Variants in VEZT observed in about 807,000 individuals in gnomAD.
VEZT encodes vezatin.
VEZT carries 39 observed loss-of-function variants against 79.9 expected under a neutral mutation model. That is an observed-to-expected ratio of 0.49 (90% CI 0.38 to 0.64). The LOEUF is 0.64. Among genes scored for constraint, VEZT ranks in the 30% least tolerant of loss-of-function variants. The pLI is 0.00. For synonymous variants in VEZT, 325 were observed against 327.6 expected (o/e 0.99, Z 0.09); for missense variants, 837 against 893.1 (o/e 0.94, Z 0.80).
intron 7 of VEZT, among the ~76,000 whole-genome samples, chr12:95,278,866 T>C (rs11107959): frequency 0.48 from 73,616 of 152,060 alleles, 18,158 homozygotes; most frequent in African/African-American, 0.57. Context: ...GTTGGGAGTT[T>C]GCAACCAGCC....
chr12:95,290,880 T>G (rs893580057), intron 9 of VEZT: 1 of 152,002 alleles, frequency 6.6e-6, no homozygotes. Context: ...TGTGGTAAGC[T>G]CAGGAAATCA....
At chr12:95,236,590 T>C (rs1049631111) in intron 1 of VEZT, among the ~76,000 whole-genome samples, 3 of 151,788 alleles carry the variant, frequency 2.0e-5, no homozygotes, top group South Asian at 2.1e-4. Context: ...TTTTTTTTTT[T>C]CTGAGAGGGA....
At chr12:95,300,080 A>G (rs2074993690) in intron 11 of VEZT, 85 bp from the exon 12 acceptor site, 2 of 740,664 alleles carry the variant, frequency 2.7e-6, no homozygotes, top group South Asian at 1.1e-4. Flanking sequence ...TTTTTAAGAA[A>G]AAAACTGAGA....
intron 3 of VEZT, among the ~76,000 whole-genome samples, chr12:95,260,579 A>G (rs889714870): frequency 2.0e-5 from 3 of 152,216 alleles, no homozygotes; most frequent in African/African-American, 7.2e-5. Flanking sequence ...GAGCACTGCC[A>G]TTGAATATTA....
intron 3 of VEZT, among the ~76,000 whole-genome samples, chr12:95,261,880 G>T (rs1162337831): frequency 2.6e-5 from 4 of 152,196 alleles, no homozygotes; most frequent in Non-Finnish European, 4.4e-5. Context: ...AGAGGAGGAT[G>T]ATAAGGTACA....
Position 95,282,569 on chromosome 12 carries a change from A to G in VEZT, c.1253A>G (p.Gln418Arg). 6.2e-7 allele frequency: 1 copy of G among 1,614,052 alleles called. No homozygotes were observed. Among genetic ancestry groups the G allele is most frequent in the Non-Finnish European group, 8.5e-7 (1 of 1,179,894 alleles). Residue 418 changes from glutamine (Q) to arginine (R), a missense_variant, in exon 8 of 12, where the codon CAG becomes CGG. Physicochemically the swap from Gln to Arg is conservative, Grantham distance 43 (BLOSUM62 1). Coordinates refer to ENST00000436874, the MANE Select transcript of VEZT (RefSeq NM_017599.4). ...SVPQCLSKTQ[Q>R]KSRELNNVHT... is the part of the protein sequence containing the mutation. ...CCGCAGTGTTTATCCAAAACTCAAC[A>G]GAAGTCAAGAGAACTGAATAATGTT...
Position 95,284,864 on chromosome 12 carries a change from T to A in VEZT, c.1328+2220T>A, listed in dbSNP as rs140018579. On this transcript the variant is annotated intron_variant, in intron 8 of 11. Transcript: ENST00000436874. Reference sequence around the variant, plus strand: ...AATATTCCACTTTAAAGGCTGAGGATCACGAGGTCAGGAGATCGAGACCAT... The same window carrying A: ...AATATTCCACTTTAAAGGCTGAGGAACACGAGGTCAGGAGATCGAGACCAT... Among the ~76,000 whole-genome samples, 26 of 152,014 alleles carry A rather than the reference T, an allele frequency of 1.7e-4. No individual in the cohort carries two copies. The East Asian group carries it at 5.0e-3, about 29-fold the overall frequency.
At chr12:95,233,723 A>G (rs1389755335) in intron 1 of VEZT, among the ~76,000 whole-genome samples, 2 of 152,154 alleles carry the variant, frequency 1.3e-5, no homozygotes, top group Non-Finnish European at 2.9e-5. Flanking sequence ...ATTTTCTTTC[A>G]GATTATTCTC....
intron 9 of VEZT, among the ~76,000 whole-genome samples, chr12:95,289,359 G>A (rs2072014320): frequency 1.4e-5 from 2 of 138,088 alleles, no homozygotes; most frequent in Admixed American, 7.6e-5. Context: ...GGAGCTTGCA[G>A]TGAGCTGAGA....
chr12:95,257,836 T>G (rs2063710741), intron 3 of VEZT, among the ~76,000 whole-genome samples: 1 of 152,212 alleles, frequency 6.6e-6, no homozygotes, highest in Non-Finnish European at 1.5e-5. Flanking sequence ...GAATTATCAT[T>G]CCTGTAAATT....
intron 11 of VEZT, chr12:95,299,256 C>T (rs1255428857): frequency 1.3e-5 from 2 of 154,770 alleles, no homozygotes; most frequent in Admixed American, 6.5e-5. Flanking sequence ...TACACGCCAG[C>T]TCTTCGAGAA....
At chr12:95,251,261 T>G (rs534492357) in intron 1 of VEZT, among the ~76,000 whole-genome samples, 2 of 152,322 alleles carry the variant, frequency 1.3e-5, no homozygotes, top group African/African-American at 4.8e-5. Flanking sequence ...TCCACCCACC[T>G]TGTCCTCCCA....
intron 3 of VEZT, among the ~76,000 whole-genome samples, chr12:95,259,556 T>G (rs1222152266): frequency 6.6e-6 from 1 of 152,206 alleles, no homozygotes; most frequent in Admixed American, 6.5e-5. Context: ...TTAACATGCT[T>G]AAGTTGTGGA....
intron 7 of VEZT, among the ~76,000 whole-genome samples, chr12:95,279,236 C>T (rs985408595): frequency 2.3e-4 from 35 of 152,238 alleles, no homozygotes; most frequent in African/African-American, 8.4e-4. Flanking sequence ...TTCCAGTGAG[C>T]ATTTCCTTTG....
chr12:95,277,143 A>G (rs1165153774), intron 7 of VEZT, among the ~76,000 whole-genome samples: 3 of 152,052 alleles, frequency 2.0e-5, no homozygotes, highest in Non-Finnish European at 4.4e-5. Context: ...CTTGACATGT[A>G]AAGAACCTTT....
At chr12:95,226,575 A>G (rs2058526816) in intron 1 of VEZT, among the ~76,000 whole-genome samples, 1 of 152,172 alleles carries the variant, frequency 6.6e-6, no homozygotes, top group Non-Finnish European at 1.5e-5. Flanking sequence ...CCCTTAAAAC[A>G]AACTCTTTGA....
chr12:95,231,380 T>G (rs2136873390), intron 1 of VEZT: 1 of 152,308 alleles, frequency 6.6e-6, no homozygotes, highest in East Asian at 1.9e-4. Context: ...TGCTTAGTAA[T>G]GACAGAGGCA....
Position 95,299,063 on chromosome 12 carries a change from C to G in VEZT, c.1832-1102C>G, listed in dbSNP as rs953710553. On this transcript the variant is annotated intron_variant, in intron 11 of 11. Coordinates refer to ENST00000436874, the MANE Select transcript of VEZT (RefSeq NM_017599.4). ...TTTCCCATGAAAAATTTCAGTACAT[C>G]TTCCAGAGCTGTTTTCATCTCTGCC... 4 of 154,788 alleles carry G rather than the reference C, an allele frequency of 2.6e-5. No homozygotes were observed. The East Asian group carries it at 5.8e-4, about 22-fold the overall frequency. The allele number at this position is 154,788 out of a possible 1,614,324, so 9.6% of individuals were successfully genotyped here.
chr12:95,243,591 A>G (rs900523816), intron 1 of VEZT, among the ~76,000 whole-genome samples: 6 of 152,216 alleles, frequency 3.9e-5, no homozygotes, highest in Non-Finnish European at 7.3e-5. Context: ...CTGTAAATGT[A>G]TCAGTATGTA....
Sources: allele counts gnomAD v4.1 joint callset (sites outside exome capture counted in the v4.1 genomes callset), GRCh38; gene constraint gnomAD v4.1.1; transcripts MANE v1.5; gene names NCBI Gene and HGNC (gene_info 2026-07-23, HGNC 2026-07-21).